DNAH8: variants seen among roughly 807,000 people sequenced by gnomAD.
DNAH8 encodes dynein axonemal heavy chain 8.
In DNAH8, 382 loss-of-function variants were observed where a neutral mutation model predicts 562.1. The observed-to-expected ratio is 0.68, with a 90% CI of 0.63 to 0.74. The LOEUF (loss-of-function observed/expected upper bound fraction) is 0.74, where lower values mean the gene tolerates loss of function less well. Among genes scored for constraint, DNAH8 ranks in the 30% least tolerant of loss-of-function variants. The pLI, the probability that DNAH8 is intolerant of heterozygous loss-of-function variation, is 0.00. For synonymous variants in DNAH8, 1,881 were observed against 1,919.4 expected (o/e 0.98, Z 0.52); for missense variants, 5,203 against 5,620.4 (o/e 0.93, Z 2.37).
intron 18 of DNAH8, among the ~76,000 whole-genome samples, chr6:38,787,695 C>CAAAAA (rs67293877): frequency 5.0e-5 from 4 of 79,594 alleles, no homozygotes; most frequent in Admixed American, 1.4e-4. Context: ...GACTCCATCT[C>CAAAAA]AAAAAAAAAA....
intron 29 of DNAH8, among the ~76,000 whole-genome samples, chr6:38,827,630 C>T (rs1371324213): frequency 2.0e-5 from 3 of 146,502 alleles, no homozygotes; most frequent in East Asian, 2.0e-4. Context: ...TTAAAAAAAT[C>T]GTGGTATTTG....
intron 29 of DNAH8, 148 bp from the exon 30 acceptor site, chr6:38,828,036 C>G (rs138092620): frequency 1.7e-4 from 100 of 591,752 alleles, no homozygotes; most frequent in Admixed American, 4.8e-4. Flanking sequence ...TCTAAAGGTG[C>G]TTTTCATACA....
chr6:38,721,449 G>A (rs1371232716), intron 1 of DNAH8, among the ~76,000 whole-genome samples: 3 of 152,018 alleles, frequency 2.0e-5, no homozygotes, highest in Non-Finnish European at 4.4e-5. Context: ...AAGCTGCAGT[G>A]AGCTATGATC....
chr6:38,723,354 A>G lies in DNAH8; in HGVS notation c.408A>G (p.Ala136=). The G allele has an allele frequency of 6.2e-7, 1 of 1,607,082 alleles. No individual in the cohort carries two copies. Among genetic ancestry groups the G allele is most frequent in the Non-Finnish European group, 8.5e-7 (1 of 1,178,568 alleles). The change falls in exon 3 of 93, where the codon GCA becomes GCG. Residue 136 remains alanine, a synonymous_variant. Transcript: ENST00000327475. ...LKERQARFRE[A]RESRRLKIDP... is the part of the protein sequence containing the mutation. ...TTCCTTAGGCAAGATTTAGAGAGGCAAGGGAAAGCCGAAGACTGAAAATTG... is the reference window on the plus strand; with the variant it reads ...TTCCTTAGGCAAGATTTAGAGAGGCGAGGGAAAGCCGAAGACTGAAAATTG...
At chr6:38,989,813 C>T (rs1478266857) in intron 87 of DNAH8, among the ~76,000 whole-genome samples, 199 bp from the exon 88 acceptor site, 1 of 152,090 alleles carries the variant, frequency 6.6e-6, no homozygotes, top group African/African-American at 2.4e-5. Context: ...AAATGGAGGC[C>T]AGGTCAAATT....
intron 20 of DNAH8, 101 bp downstream of exon 20, chr6:38,790,506 A>G: frequency 1.7e-6 from 1 of 592,642 alleles, no homozygotes; most frequent in Non-Finnish European, 2.9e-6. Flanking sequence ...ACTTTTAACT[A>G]AAAGGACATC....
intron 10 of DNAH8, 89 bp downstream of exon 10, chr6:38,756,168 C>T (rs757385748): frequency 1.0e-5 from 8 of 803,280 alleles, no homozygotes; most frequent in South Asian, 5.7e-5. Context: ...AATTTGGAAG[C>T]CTAAGTGCCT....
At chr6:38,726,597 T>C (rs763348698) in intron 3 of DNAH8, among the ~76,000 whole-genome samples, 2 of 152,146 alleles carry the variant, frequency 1.3e-5, no homozygotes, top group African/African-American at 2.4e-5. Context: ...CTGCAAAAGG[T>C]ATTTCCTTAA....
chr6:38,729,109 C>T (rs1457712355), intron 3 of DNAH8, among the ~76,000 whole-genome samples: 2 of 151,990 alleles, frequency 1.3e-5, no homozygotes, highest in African/African-American at 2.4e-5. Flanking sequence ...AGACTGATGC[C>T]GGAGAATCTC....
At chr6:38,774,736 A>G (rs1394855561) in intron 12 of DNAH8, among the ~76,000 whole-genome samples, 1 of 152,218 alleles carries the variant, frequency 6.6e-6, no homozygotes, top group Non-Finnish European at 1.5e-5. Context: ...GCAAGCCAGT[A>G]GTAGTTTGCT....
At chr6:38,795,375 C>G (rs576658453) in intron 21 of DNAH8, among the ~76,000 whole-genome samples, 1 of 152,080 alleles carries the variant, frequency 6.6e-6, no homozygotes, top group Non-Finnish European at 1.5e-5. Flanking sequence ...GTCAGGAGAT[C>G]GAGACCATCC....
intron 85 of DNAH8, among the ~76,000 whole-genome samples, chr6:38,981,028 A>AGT (rs368543739): frequency 0.13 from 18,469 of 145,410 alleles, 1,369 homozygotes; most frequent in East Asian, 0.37. Context: ...TGAAAACGGC[A>AGT]GTGTGTGTGT....
chr6:38,925,341 T>TTTA, intron 73 of DNAH8, among the ~76,000 whole-genome samples: 1 of 120,866 alleles, frequency 8.3e-6, no homozygotes, highest in Middle Eastern at 4.3e-3. Flanking sequence ...TTTATTTTAT[T>TTTA]TTATTTTTTT....
Position 38,783,033 on chromosome 6 carries a change from C to T in DNAH8, c.2289C>T (p.Asp763=), listed in dbSNP as rs570158039. Residue 763 remains aspartate (D), a synonymous_variant, in exon 17 of 93, where the codon GAC becomes GAT. Coordinates refer to ENST00000327475, the MANE Select transcript of DNAH8 (RefSeq NM_001206927.2). The part of the protein sequence containing the change: ...FKNSDILSSP[D]GKAVIRQYNK... ...ACTCAGACATTTTATCAAGTCCGGA[C>T]GGTAAAGCTGTCATCCGTCAGTATA... 3.5e-5 allele frequency: 56 copies of T among 1,613,724 alleles called. 1 individual carries two copies. In the South Asian group the frequency reaches 4.3e-4, roughly 12 times the overall value.
Position 39,012,615 on chromosome 6 carries a change from G to T in DNAH8, c.13692G>T (p.Met4564Ile), listed in dbSNP as rs1183541765. Reference sequence around the variant, plus strand: ...AAGGGAGGCCTAATGTGTTTTGGATGACTGGTTTCTTTAATCCCCAAGGTA... The same window carrying T: ...AAGGGAGGCCTAATGTGTTTTGGATTACTGGTTTCTTTAATCCCCAAGGTA... Reference protein sequence around the residue: ...IFEGRPNVFWMTGFFNPQGFL... With the variant: ...IFEGRPNVFWITGFFNPQGFL... Residue 4564 changes from methionine (M) to isoleucine (I), a missense_variant, in exon 91 of 93, where the codon ATG becomes ATT. This residue lies in a region of DNAH8 where 1,399 missense variants were observed against 1,518.4 expected (regional missense o/e 0.92). Transcript: ENST00000327475. The T allele has an allele frequency of 1.4e-5, 23 of 1,613,854 alleles. No homozygotes were observed. Among genetic ancestry groups the T allele is most frequent in the Non-Finnish European group, 1.9e-5 (22 of 1,179,888 alleles).
intron 41 of DNAH8, among the ~76,000 whole-genome samples, chr6:38,856,258 G>T (rs1235923429): frequency 6.6e-6 from 1 of 152,162 alleles, no homozygotes; most frequent in Non-Finnish European, 1.5e-5. Flanking sequence ...GAGTAATATT[G>T]ATGAGAATGA....
intron 89 of DNAH8, among the ~76,000 whole-genome samples, chr6:39,009,892 A>AGTGGT (rs1244852638): frequency 3.3e-5 from 5 of 152,236 alleles, no homozygotes; most frequent in African/African-American, 1.2e-4. Context: ...AATATTTTTA[A>AGTGGT]ATGGATAAAT....
chr6:38,933,340 C>T (rs1782702981), intron 76 of DNAH8, among the ~76,000 whole-genome samples: 1 of 152,142 alleles, frequency 6.6e-6, no homozygotes, highest in South Asian at 2.1e-4. Flanking sequence ...AAAAAATGCA[C>T]ATTTAATATG....
chr6:38,857,133 A>G (rs1776265494), intron 41 of DNAH8, among the ~76,000 whole-genome samples: 1 of 152,196 alleles, frequency 6.6e-6, no homozygotes, highest in South Asian at 2.1e-4. Flanking sequence ...TATTGTTTTT[A>G]GAAGAGCAGA....
Sources: allele counts gnomAD v4.1 joint callset (sites outside exome capture counted in the v4.1 genomes callset), GRCh38; gene constraint gnomAD v4.1.1; regional missense constraint gnomAD v4.1.1; transcripts MANE v1.5; gene names NCBI Gene and HGNC (gene_info 2026-07-23, HGNC 2026-07-21).